Variants in HEPHL1 observed in about 807,000 individuals in gnomAD.
HEPHL1 encodes the protein ferroxidase HEPHL1.
A neutral mutation model predicts 122.0 loss-of-function variants in HEPHL1; 123 were observed. The observed-to-expected ratio is 1.01, with a 90% CI of 0.87 to 1.17. The LOEUF is 1.17. Ranked by LOEUF, HEPHL1 falls within the 50% of genes most tolerant of loss-of-function variation. The pLI is 0.00. For synonymous variants in HEPHL1, 527 were observed against 508.9 expected, an observed-to-expected ratio of 1.04 and a Z score of -0.48; for missense variants, 1,452 against 1,430.5, an observed-to-expected ratio of 1.01 and a Z score of -0.24.
Position 94,111,538 on chromosome 11 carries a change from C to A in HEPHL1, c.3210C>A (p.Asp1070Glu). The A allele has an allele frequency of 6.3e-7, 1 of 1,597,470 alleles. No individual in the cohort carries two copies. The highest frequency in any genetic ancestry group is 1.1e-5 in the South Asian group (1 of 88,280). Reference sequence around the variant, plus strand: ...AATGAACTTGTTTTCTTTGTGCAGACAACAGGATTCCTTACTCCACCACAT... The same window carrying A: ...AATGAACTTGTTTTCTTTGTGCAGAAAACAGGATTCCTTACTCCACCACAT... ...ETTYTVLRNI[D>E]NRIPYSTTSP... is the part of the protein sequence containing the mutation. Residue 1070 changes from aspartate to glutamate, a missense_variant and splice_region_variant, in exon 19 of 20, where the codon GAC (aspartate) becomes GAA (glutamate). Asp to Glu is a conservative substitution (Grantham distance 45, BLOSUM62 2). Coordinates refer to ENST00000315765, the MANE Select transcript of HEPHL1 (RefSeq NM_001098672.2).
intron 13 of HEPHL1, among the ~76,000 whole-genome samples, chr11:94,096,722 C>T (rs1313301675): frequency 1.3e-5 from 2 of 152,132 alleles, no homozygotes; most frequent in Admixed American, 1.3e-4. Flanking sequence ...TTCAGTAATT[C>T]AACTTCTTCC....
rs1370358738 is a variant in HEPHL1 at position 94,106,108 on chromosome 11, A to G, written c.3023A>G (p.His1008Arg). 6 of 1,573,076 alleles carry G rather than the reference A, an allele frequency of 3.8e-6. No homozygotes were observed. Among genetic ancestry groups the G allele is most frequent in the Non-Finnish European group, 5.2e-6 (6 of 1,153,412 alleles). ...SEVDIHTIHYHAESFLFKIDK... is the reference protein window; with the variant it reads ...SEVDIHTIHYRAESFLFKIDK... ...GTGGACATACATACCATCCATTATCATGCTGAGAGCTTTCTTTTCAAAGTA... is the reference window on the plus strand; with the variant it reads ...GTGGACATACATACCATCCATTATCGTGCTGAGAGCTTTCTTTTCAAAGTA... Residue 1008 changes from histidine to arginine, a missense_variant, in exon 17 of 20, where the codon CAT becomes CGT. His to Arg is a conservative substitution (Grantham distance 29). Transcript: ENST00000315765.
At chr11:94,103,789 T>A (rs906646515) in intron 15 of HEPHL1, among the ~76,000 whole-genome samples, 5 of 152,222 alleles carry the variant, frequency 3.3e-5, no homozygotes, top group Admixed American at 1.3e-4. Context: ...CTTGTATTAA[T>A]GTCTTTGAGT....
At chr11:94,079,151 T>A (rs1946149232) in intron 9 of HEPHL1, among the ~76,000 whole-genome samples, 2 of 152,202 alleles carry the variant, frequency 1.3e-5, no homozygotes, top group Admixed American at 1.3e-4. Context: ...TTGCGTTGAG[T>A]GCTTTAGCTA....
At chr11:94,034,858 G>A (rs893784434) in intron 1 of HEPHL1, among the ~76,000 whole-genome samples, 1 of 152,170 alleles carries the variant, frequency 6.6e-6, no homozygotes, top group African/African-American at 2.4e-5. Flanking sequence ...TCAGTATTCA[G>A]AGGTGGAAGG....
intron 18 of HEPHL1, among the ~76,000 whole-genome samples, 178 bp from the exon 19 acceptor site, chr11:94,111,359 G>A (rs1946447201): frequency 6.6e-6 from 1 of 152,138 alleles, no homozygotes; most frequent in Non-Finnish European, 1.5e-5. Context: ...GCAGAAGTGG[G>A]AAAGACAGCT....
intron 13 of HEPHL1, among the ~76,000 whole-genome samples, chr11:94,097,219 T>A (rs762176353): frequency 6.6e-6 from 1 of 152,370 alleles, no homozygotes; most frequent in East Asian, 1.9e-4. Flanking sequence ...GTATGTTGTG[T>A]CTTTGTTCTC....
chr11:94,050,257 A>G (rs1945877913), intron 2 of HEPHL1, among the ~76,000 whole-genome samples: 2 of 152,188 alleles, frequency 1.3e-5, no homozygotes, highest in Admixed American at 1.3e-4. Flanking sequence ...AATTTTCTAC[A>G]TACGGACTTA....
intron 1 of HEPHL1, among the ~76,000 whole-genome samples, chr11:94,025,536 A>G (rs1361565449): frequency 6.6e-6 from 1 of 152,124 alleles, no homozygotes; most frequent in Non-Finnish European, 1.5e-5. Flanking sequence ...CAGGGTTTTC[A>G]TGGACGCTAA....
At chr11:94,042,863 C>A in intron 1 of HEPHL1, among the ~76,000 whole-genome samples, 1 of 4,304 alleles carries the variant, frequency 2.3e-4, no homozygotes, top group Non-Finnish European at 7.0e-4. Flanking sequence ...TACCCTAAAA[C>A]TTAAAGTATA....
chr11:94,044,905 A>T (rs1374764888), intron 1 of HEPHL1, among the ~76,000 whole-genome samples: 8 of 151,776 alleles, frequency 5.3e-5, no homozygotes, highest in African/African-American at 1.9e-4. Context: ...GATTACAGGC[A>T]TGAGCCACTA....
chr11:94,036,813 T>C (rs1374207454), intron 1 of HEPHL1, among the ~76,000 whole-genome samples: 2 of 122,880 alleles, frequency 1.6e-5, no homozygotes, highest in African/African-American at 6.5e-5. Flanking sequence ...CACTCCAGCC[T>C]GGGCAACAGA....
intron 4 of HEPHL1, among the ~76,000 whole-genome samples, chr11:94,066,697 T>A (rs1228449916): frequency 6.6e-6 from 1 of 152,192 alleles, no homozygotes; most frequent in Non-Finnish European, 1.5e-5. Context: ...ACTAAAATAA[T>A]TTAGAATTAA....
At chr11:94,072,768 A>G (rs891628073) in intron 6 of HEPHL1, among the ~76,000 whole-genome samples, 1 of 152,130 alleles carries the variant, frequency 6.6e-6, no homozygotes, top group African/African-American at 2.4e-5. Context: ...TAAGGAGTTT[A>G]CTTGTGACTG....
chr11:94,059,219 A>G (rs962720380), intron 2 of HEPHL1, among the ~76,000 whole-genome samples: 2 of 152,200 alleles, frequency 1.3e-5, no homozygotes, highest in African/African-American at 4.8e-5. Context: ...ATTTTCTCAT[A>G]TTAGTACATA....
chr11:94,044,082 GTATT>G (rs1390470890), intron 1 of HEPHL1, among the ~76,000 whole-genome samples: 3 of 151,852 alleles, frequency 2.0e-5, no homozygotes, highest in Non-Finnish European at 4.4e-5. Context: ...GCAGAAGCCA[GTATT>G]TATGGAGCTG....
At chr11:94,042,875 T>A (rs112871680) in intron 1 of HEPHL1, among the ~76,000 whole-genome samples, 261 of 62,970 alleles carry the variant, frequency 4.1e-3, no homozygotes, top group Non-Finnish European at 5.3e-3. Context: ...TAAAGTATAA[T>A]AAAAAAAAAA....
At chr11:94,089,926 C>T (rs1175148840) in intron 12 of HEPHL1, among the ~76,000 whole-genome samples, 2 of 152,034 alleles carry the variant, frequency 1.3e-5, no homozygotes, top group African/African-American at 2.4e-5. Context: ...TGCCACCTAC[C>T]CTCGCCCCCT....
chr11:94,043,174 A>G (rs554364863), intron 1 of HEPHL1, among the ~76,000 whole-genome samples: 1 of 152,328 alleles, frequency 6.6e-6, no homozygotes, highest in Admixed American at 6.5e-5. Flanking sequence ...AGAAAAAATG[A>G]AAAGAAATAG....
Sources: gnomAD v4.1 joint callset for allele counts (sites outside exome capture counted in the v4.1 genomes callset) on GRCh38, gnomAD v4.1.1 for gene constraint, MANE v1.5 for transcripts, NCBI Gene and HGNC (gene_info 2026-07-23, HGNC 2026-07-21) for gene names.